Variants in SRGAP3 observed in about 807,000 individuals in gnomAD.
SRGAP3 encodes the protein SLIT-ROBO Rho GTPase activating protein 3.
A neutral mutation model predicts 121.1 loss-of-function variants in SRGAP3; 39 were observed. That is an observed-to-expected ratio of 0.32 (90% CI 0.25 to 0.42). The LOEUF is 0.42. SRGAP3 is among the 10% of genes least tolerant of loss of function. The pLI is 1.00. For missense variants in SRGAP3, 1,213 were observed against 1,470.6 expected (o/e 0.82, Z 2.86); for synonymous variants, 601 against 570.0 (o/e 1.05, Z -0.77).
chr3:9,332,754 G>A (rs1391905472), intron 1 of SRGAP3, among the ~76,000 whole-genome samples: 3 of 152,112 alleles, frequency 2.0e-5, no homozygotes, highest in African/African-American at 7.2e-5. Context: ...TATTAACTGT[G>A]GCAGGCTGAG....
intron 2 of SRGAP3, among the ~76,000 whole-genome samples, chr3:9,119,160 C>G (rs12495312): frequency 0.046 from 6,997 of 152,214 alleles, 213 homozygotes; most frequent in Non-Finnish European, 0.068. Context: ...TCTTACCTCA[C>G]CCTCTTCCCC....
intron 2 of SRGAP3, among the ~76,000 whole-genome samples, chr3:9,110,065 C>T (rs1282102963): frequency 1.3e-5 from 2 of 152,154 alleles, no homozygotes; most frequent in Non-Finnish European, 2.9e-5. Flanking sequence ...ACTGCACTTT[C>T]AAACTCTCAC....
rs142973430 is a variant in SRGAP3 at position 9,103,388 on chromosome 3, G to A, written c.423+1292C>T. Among the ~76,000 whole-genome samples, 5 of 152,216 alleles carry A rather than the reference G, an allele frequency of 3.3e-5. No individual in the cohort carries two copies. In the East Asian group the frequency reaches 9.6e-4, roughly 29 times the overall value. Reference sequence around the variant, plus strand: ...TTCATGAGCACCTACTAAGTGCCAAGTGATGCTCTCCATGCTGTACACAGG... The same window carrying A: ...TTCATGAGCACCTACTAAGTGCCAAATGATGCTCTCCATGCTGTACACAGG... On this transcript the variant is annotated intron_variant, in intron 3 of 21. Coordinates refer to ENST00000383836, the MANE Select transcript of SRGAP3 (RefSeq NM_014850.4).
chr3:9,123,173 C>T (rs1332948730), intron 2 of SRGAP3, among the ~76,000 whole-genome samples: 1 of 152,054 alleles, frequency 6.6e-6, no homozygotes, highest in African/African-American at 2.4e-5. Flanking sequence ...TTGCCGGCAG[C>T]TGGAAGGCGT....
At chr3:9,232,979 C>T (rs1379833084) in intron 1 of SRGAP3, among the ~76,000 whole-genome samples, 2 of 152,176 alleles carry the variant, frequency 1.3e-5, no homozygotes, top group Admixed American at 6.5e-5. Flanking sequence ...TAGTACTGCC[C>T]CACCTTACTC....
intron 18 of SRGAP3, among the ~76,000 whole-genome samples, chr3:8,995,016 C>T (rs191457496): frequency 6.6e-6 from 1 of 152,234 alleles, no homozygotes; most frequent in Non-Finnish European, 1.5e-5. Flanking sequence ...CCCTTCAAAG[C>T]TCATTGTTAA....
intron 3 of SRGAP3, among the ~76,000 whole-genome samples, chr3:9,314,405 G>C (rs1955307838): frequency 6.6e-6 from 1 of 151,936 alleles, no homozygotes; most frequent in Non-Finnish European, 1.5e-5. Flanking sequence ...ATAAAGAAGA[G>C]AGAAGACAGA....
chr3:9,029,685 G>T (rs1944381687), intron 12 of SRGAP3, among the ~76,000 whole-genome samples: 1 of 152,182 alleles, frequency 6.6e-6, no homozygotes, highest in African/African-American at 2.4e-5. Flanking sequence ...ATAGTTGAAG[G>T]ATTGAATACA....
chr3:9,262,129 G>T (rs983020983), intron 3 of SRGAP3, among the ~76,000 whole-genome samples: 1 of 152,062 alleles, frequency 6.6e-6, no homozygotes, highest in African/African-American at 2.4e-5. Context: ...AAGAGAAGGA[G>T]AAATAAAATC....
intron 9 of SRGAP3, 70 bp from the exon 10 acceptor site, chr3:9,047,545 T>C (rs1945350945): frequency 1.3e-5 from 19 of 1,488,370 alleles, no homozygotes; most frequent in South Asian, 1.3e-4. Flanking sequence ...CCTCTGCAAC[T>C]GACCTCTGGG....
intron 1 of SRGAP3, among the ~76,000 whole-genome samples, chr3:9,248,221 G>A (rs1487140385): frequency 6.6e-6 from 1 of 152,250 alleles, no homozygotes; most frequent in Non-Finnish European, 1.5e-5. Flanking sequence ...CCAGGGCACA[G>A]AGTGATTGGG....
intron 21 of SRGAP3, among the ~76,000 whole-genome samples, chr3:8,989,876 G>A (rs1489097100): frequency 6.6e-6 from 1 of 152,084 alleles, no homozygotes; most frequent in African/African-American, 2.4e-5. Flanking sequence ...CCACCCTTTG[G>A]GTCTCAGGTC....
At position 9,295,651 on chromosome 3, in the gene SRGAP3, AT is replaced by A. The variant is rs1954940672; in HGVS notation, n.442+30358del. 3.3e-5 allele frequency among the ~76,000 whole-genome samples: 5 copies of A among 150,794 alleles called. No individual in the cohort carries two copies. In the South Asian group the frequency reaches 6.3e-4, roughly 19 times the overall value. On this transcript the variant is annotated intron_variant and non_coding_transcript_variant, in intron 3 of 3. Transcript: ENST00000490889. ...TCGTGGTAAAATACACATAACATAAATTTTACCATTTTAACCATTTTTAAGT... is the reference window on the plus strand; with the variant it reads ...TCGTGGTAAAATACACATAACATAAATTTACCATTTTAACCATTTTTAAGT...
At chr3:9,173,705 C>T (rs1046485322) in intron 1 of SRGAP3, among the ~76,000 whole-genome samples, 1 of 152,114 alleles carries the variant, frequency 6.6e-6, no homozygotes, top group Non-Finnish European at 1.5e-5. Flanking sequence ...CCCACCTCTC[C>T]TCCCCATTCT....
chr3:9,216,058 A>G (rs953876465), intron 1 of SRGAP3, among the ~76,000 whole-genome samples: 1 of 151,670 alleles, frequency 6.6e-6, no homozygotes, highest in African/African-American at 2.4e-5. Flanking sequence ...ACATATATAT[A>G]TGTATATATA....
rs371341852 is a variant in SRGAP3 at position 9,104,846 on chromosome 3, T to C, written c.261-4A>G. The C allele has an allele frequency of 1.2e-6, 2 of 1,614,086 alleles. No individual in the cohort carries two copies. The highest frequency in any genetic ancestry group is 2.7e-5 in the African/African-American group (2 of 74,954). The stretch of plus-strand genomic sequence containing the variant: ...CGAGAGGAGGTACTGGTCCTTCCTG[T>C]GGAAACCAAGAAAGCTCAGGTTGGC... On this transcript the variant is annotated splice_polypyrimidine_tract_variant and splice_region_variant and intron_variant, in intron 2 of 21. Coordinates refer to ENST00000383836, the MANE Select transcript of SRGAP3 (RefSeq NM_014850.4).
chr3:9,350,183 C>G (rs1293152316), intron 1 of SRGAP3: 1 of 152,194 alleles, frequency 6.6e-6, no homozygotes, highest in Non-Finnish European at 1.5e-5. Flanking sequence ...AAGTGCTTTA[C>G]GTGCACAATT....
At chr3:9,354,551 A>G (rs1418380901) in intron 1 of SRGAP3, among the ~76,000 whole-genome samples, 3 of 152,008 alleles carry the variant, frequency 2.0e-5, no homozygotes, top group East Asian at 3.9e-4. Context: ...ACATGGTGGC[A>G]GGCGCCTGTA....
At chr3:9,106,663 T>C (rs906875119) in intron 2 of SRGAP3, among the ~76,000 whole-genome samples, 2 of 152,126 alleles carry the variant, frequency 1.3e-5, no homozygotes, top group Admixed American at 1.3e-4. Context: ...GGGTTTCTGC[T>C]TTTGCTTCCT....
Sources: gnomAD v4.1 joint callset for allele counts (sites outside exome capture counted in the v4.1 genomes callset) on GRCh38, gnomAD v4.1.1 for gene constraint, MANE v1.5 for transcripts, NCBI Gene and HGNC (gene_info 2026-07-23, HGNC 2026-07-21) for gene names.